Variants in ULK4 observed in about 807,000 individuals in gnomAD.
ULK4 encodes unc-51 like kinase 4, also known as inactive serine/threonine-protein kinase ULK4.
ULK4 carries 133 observed loss-of-function variants against 160.6 expected under a neutral mutation model. The observed-to-expected ratio is 0.83, with a 90% confidence interval of 0.72 to 0.96. The LOEUF is 0.96. Ranked by LOEUF, ULK4 falls within the 40% of genes least tolerant of loss-of-function variation. ULK4 has a pLI of 0.00. For synonymous variants in ULK4, 534 were observed against 539.8 expected (o/e 0.99, Z 0.15); for missense variants, 1,580 against 1,499.5 (o/e 1.05, Z -0.89).
At chr3:41,411,025 A>G (rs1173758594) in intron 34 of ULK4, among the ~76,000 whole-genome samples, 1 of 152,236 alleles carries the variant, frequency 6.6e-6, no homozygotes, top group Non-Finnish European at 1.5e-5. Context: ...TCTTTTCCAG[A>G]GGACACAAGT....
intron 20 of ULK4, among the ~76,000 whole-genome samples, chr3:41,792,062 T>G (rs1489003317): frequency 6.6e-6 from 1 of 152,170 alleles, no homozygotes; most frequent in African/African-American, 2.4e-5. Context: ...TACAGATGGG[T>G]AAATCAGATA....
chr3:41,747,125 C>T (rs967886508), intron 22 of ULK4, among the ~76,000 whole-genome samples: 1 of 151,822 alleles, frequency 6.6e-6, no homozygotes, highest in Non-Finnish European at 1.5e-5. Context: ...ATCAAAAATA[C>T]ACACCATTAA....
chr3:41,772,314 G>C (rs1233558773), intron 21 of ULK4, among the ~76,000 whole-genome samples: 2 of 152,102 alleles, frequency 1.3e-5, no homozygotes, highest in African/African-American at 2.4e-5. Flanking sequence ...AAAATTGATA[G>C]ACTGCTAGCA....
At chr3:41,828,698 A>G (rs1431474043) in intron 18 of ULK4, among the ~76,000 whole-genome samples, 4 of 151,808 alleles carry the variant, frequency 2.6e-5, no homozygotes, top group Non-Finnish European at 4.4e-5. Context: ...AAGAATCAGT[A>G]TCGTGAAAAT....
At position 41,774,989 on chromosome 3, in the gene ULK4, G is replaced by T. The variant is rs543306882; in HGVS notation, c.2193+14672C>A. On this transcript the variant is annotated intron_variant, in intron 21 of 36. Transcript: ENST00000301831. ...TTGCAAGGACAAAAAACCAAACACC[G>T]CATGTTCTCACTCATAGGTGGGAAT... 3.4e-5 allele frequency among the ~76,000 whole-genome samples: 5 copies of T among 147,776 alleles called. 1 individual carries two copies. The highest frequency in any genetic ancestry group is 1.3e-4 in the African/African-American group (5 of 38,612).
chr3:41,403,800 A>C (rs1370890706), intron 34 of ULK4, among the ~76,000 whole-genome samples: 1 of 151,918 alleles, frequency 6.6e-6, no homozygotes, highest in Admixed American at 6.6e-5. Context: ...TTTCATTTTC[A>C]TTCAGTTCTA....
At chr3:41,652,675 T>C (rs2034789155) in intron 30 of ULK4, among the ~76,000 whole-genome samples, 1 of 152,194 alleles carries the variant, frequency 6.6e-6, no homozygotes, top group Non-Finnish European at 1.5e-5. Flanking sequence ...AATCTCATGA[T>C]GATGGCAGGC....
intron 35 of ULK4, among the ~76,000 whole-genome samples, chr3:41,362,615 G>A (rs2081169306): frequency 6.6e-6 from 1 of 152,108 alleles, no homozygotes; most frequent in African/African-American, 2.4e-5. Context: ...ACTCTAAAAT[G>A]GGGTTAATAG....
intron 34 of ULK4, among the ~76,000 whole-genome samples, chr3:41,450,800 T>C (rs1039241367): frequency 6.6e-6 from 1 of 152,232 alleles, no homozygotes; most frequent in African/African-American, 2.4e-5. Flanking sequence ...TAAATGTGTG[T>C]TAATCTTTTC....
intron 2 of ULK4, among the ~76,000 whole-genome samples, chr3:41,951,955 C>G (rs945632057): frequency 6.6e-6 from 1 of 152,118 alleles, no homozygotes; most frequent in Non-Finnish European, 1.5e-5. Flanking sequence ...GAACTGTGAC[C>G]AATAAATTTC....
At chr3:41,629,495 C>T (rs1253008888) in intron 30 of ULK4, among the ~76,000 whole-genome samples, 2 of 152,150 alleles carry the variant, frequency 1.3e-5, no homozygotes, top group Non-Finnish European at 2.9e-5. Context: ...CATAACATCA[C>T]TTCTATTGTG....
chr3:41,910,346 C>G (rs1349317692), intron 11 of ULK4, among the ~76,000 whole-genome samples: 1 of 152,180 alleles, frequency 6.6e-6, no homozygotes, highest in East Asian at 1.9e-4. Context: ...TGTGTGTAAT[C>G]GCAGCACTCT....
At chr3:41,305,258 CCA>C (rs1237692125) in intron 35 of ULK4, among the ~76,000 whole-genome samples, 2 of 131,554 alleles carry the variant, frequency 1.5e-5, no homozygotes, top group Non-Finnish European at 3.4e-5. Context: ...CCCTCTCTTT[CCA>C]CAGTCTCCCT....
chr3:41,247,784 G>A (rs1013152422), intron 36 of ULK4, among the ~76,000 whole-genome samples: 3 of 152,168 alleles, frequency 2.0e-5, no homozygotes, highest in Non-Finnish European at 4.4e-5. Context: ...GCCATGCTGC[G>A]CCCCCGCACA....
In ULK4 at chr3:41,295,581, TG is replaced by T. The variant is rs1312987803; in HGVS notation, c.3679-46008del. ...AAAATACACAAAGAATTCTTAAAAC[TG>T]AACAGTAAGAAAACAGTTGATAAAA... On this transcript the variant is annotated intron_variant, in intron 35 of 36. Transcript: ENST00000301831. 2.1e-3 allele frequency among the ~76,000 whole-genome samples: 262 copies of T among 127,754 alleles called. 54 individuals are homozygous for T. Among genetic ancestry groups the T allele is most frequent in the Non-Finnish European group, 3.6e-4 (21 of 57,658 alleles). 83.8% of individuals were successfully genotyped at this position (127,754 alleles called of 152,430 possible).
chr3:41,336,369 G>C (rs2080555678), intron 35 of ULK4, among the ~76,000 whole-genome samples: 1 of 152,190 alleles, frequency 6.6e-6, no homozygotes, highest in Admixed American at 6.5e-5. Flanking sequence ...AGAACTTCAA[G>C]CTCCCTCTGA....
chr3:41,338,746 A>T (rs1045797910), intron 35 of ULK4, among the ~76,000 whole-genome samples: 2 of 152,010 alleles, frequency 1.3e-5, no homozygotes, highest in African/African-American at 4.8e-5. Flanking sequence ...TGTATAATAC[A>T]TCTATATCAC....
At chr3:41,687,964 T>C (rs1478578109) in intron 27 of ULK4, 1 of 152,206 alleles carries the variant, frequency 6.6e-6, no homozygotes, top group African/African-American at 2.4e-5. Context: ...CGAAGCTAAG[T>C]TGAAGGGAGG....
chr3:41,510,478 T>C (rs910575472), intron 32 of ULK4, among the ~76,000 whole-genome samples: 2 of 152,100 alleles, frequency 1.3e-5, no homozygotes, highest in South Asian at 2.1e-4. Flanking sequence ...CTAGAAAAAA[T>C]GTATGTACAA....
Sources: gnomAD v4.1 joint callset for allele counts (sites outside exome capture counted in the v4.1 genomes callset) on GRCh38, gnomAD v4.1.1 for gene constraint, MANE v1.5 for transcripts, NCBI Gene and HGNC (gene_info 2026-07-23, HGNC 2026-07-21) for gene names.